SNX29: variants seen among roughly 807,000 people sequenced by gnomAD.
The protein encoded by SNX29 is sorting nexin 29.
A neutral mutation model predicts 102.1 loss-of-function variants in SNX29; 78 were observed. The observed-to-expected ratio is 0.76, with a 90% CI of 0.64 to 0.92. The LOEUF is 0.92. SNX29 is among the 40% of genes least tolerant of loss of function. SNX29 has a pLI of 0.00. For missense variants in SNX29, 1,280 were observed against 1,061.7 expected, an observed-to-expected ratio of 1.21 and a Z score of -2.86; for synonymous variants, 580 against 414.5, an observed-to-expected ratio of 1.40 and a Z score of -4.85.
chr16:12,548,435 C>A (rs1272763422), intron 20 of SNX29, among the ~76,000 whole-genome samples: 2 of 152,212 alleles, frequency 1.3e-5, no homozygotes, highest in Non-Finnish European at 2.9e-5. Flanking sequence ...GTGCCACATC[C>A]CTGTACCATG....
chr16:12,270,193 C>A (rs1023383229), intron 14 of SNX29, among the ~76,000 whole-genome samples: 1 of 152,134 alleles, frequency 6.6e-6, no homozygotes. Context: ...CCATAAATCA[C>A]CCTCAGGAAA....
intron 14 of SNX29, among the ~76,000 whole-genome samples, chr16:12,251,806 C>A (rs1314933452): frequency 1.3e-5 from 2 of 151,522 alleles, no homozygotes; most frequent in South Asian, 2.1e-4. Flanking sequence ...GTCACCCAGG[C>A]TGGAGTGTGG....
chr16:12,493,919 C>G (rs2088679146), intron 19 of SNX29, among the ~76,000 whole-genome samples: 1 of 152,158 alleles, frequency 6.6e-6, no homozygotes, highest in African/African-American at 2.4e-5. Flanking sequence ...TCACATTTTC[C>G]CAGTTACCGA....
intron 13 of SNX29, among the ~76,000 whole-genome samples, chr16:12,190,804 T>C (rs1212683686): frequency 6.6e-6 from 1 of 151,860 alleles, no homozygotes; most frequent in East Asian, 1.9e-4. Context: ...CATGGTGTAT[T>C]GGGTAGCGGG....
At chr16:12,324,210 CA>C (rs2081047237) in intron 15 of SNX29, among the ~76,000 whole-genome samples, 1 of 151,804 alleles carries the variant, frequency 6.6e-6, no homozygotes, top group African/African-American at 2.4e-5. Flanking sequence ...TTGAGGACAG[CA>C]TCCTTGGAGC....
chr16:12,141,285 C>T (rs964586229), intron 13 of SNX29, among the ~76,000 whole-genome samples: 12 of 152,170 alleles, frequency 7.9e-5, no homozygotes, highest in African/African-American at 2.9e-4. Context: ...GTAGGCTGAT[C>T]TTGGTTGTGT....
intron 18 of SNX29, among the ~76,000 whole-genome samples, chr16:12,410,163 T>G (rs566483241): frequency 3.3e-4 from 50 of 152,058 alleles, no homozygotes; most frequent in Admixed American, 2.0e-3. Flanking sequence ...CCTGGCTAAT[T>G]TTTTGTAGTT....
intron 20 of SNX29, among the ~76,000 whole-genome samples, chr16:12,542,609 G>C (rs561860293): frequency 6.6e-6 from 1 of 152,242 alleles, no homozygotes; most frequent in East Asian, 1.9e-4. Context: ...TGGGATTACA[G>C]GCGTGAGCCA....
At chr16:12,095,133 C>G (rs1465255532) in intron 11 of SNX29, 2 of 152,156 alleles carry the variant, frequency 1.3e-5, no homozygotes, top group African/African-American at 4.8e-5. Flanking sequence ...GTCACTGCTG[C>G]GGAAACCAGC....
At chr16:12,167,038 T>C (rs2076032441) in intron 13 of SNX29, among the ~76,000 whole-genome samples, 1 of 152,230 alleles carries the variant, frequency 6.6e-6, no homozygotes, top group Admixed American at 6.5e-5. Context: ...CATGGCCCAT[T>C]TGCTCAATGC....
chr16:12,142,812 C>T (rs2054913109), intron 13 of SNX29, among the ~76,000 whole-genome samples: 1 of 151,982 alleles, frequency 6.6e-6, no homozygotes, highest in South Asian at 2.1e-4. Context: ...ACCACTGCCT[C>T]GGCCTCCCAA....
intron 15 of SNX29, among the ~76,000 whole-genome samples, chr16:12,347,914 CAAAAAA>C (rs386384275): frequency 8.3e-6 from 1 of 121,124 alleles, no homozygotes; most frequent in Non-Finnish European, 1.7e-5. Flanking sequence ...CCTGTCTTTA[CAAAAAA>C]AAAAAAAAAA....
intron 20 of SNX29, among the ~76,000 whole-genome samples, chr16:12,534,414 G>A (rs1423635250): frequency 6.6e-6 from 1 of 152,218 alleles, no homozygotes; most frequent in Non-Finnish European, 1.5e-5. Flanking sequence ...CCTCTGTGTA[G>A]CCAGCGGCTG....
intron 4 of SNX29, among the ~76,000 whole-genome samples, chr16:12,034,464 A>T (rs1328450361): frequency 6.6e-6 from 1 of 152,214 alleles, no homozygotes; most frequent in Non-Finnish European, 1.5e-5. Flanking sequence ...AACTGGCAGA[A>T]AGAAGCTGGC....
chr16:12,515,381 G>T, intron 19 of SNX29: 1 of 398,400 alleles, frequency 2.5e-6, no homozygotes, highest in Non-Finnish European at 5.1e-6. Context: ...ATCAACAAAC[G>T]AATATATGTG....
chr16:12,477,553 C>G (rs1011487960), intron 18 of SNX29, among the ~76,000 whole-genome samples, 166 bp from the exon 19 acceptor site: 1 of 152,218 alleles, frequency 6.6e-6, no homozygotes, highest in East Asian at 1.9e-4. Flanking sequence ...ATCTGTTCAG[C>G]TAGCACTAAT....
intron 13 of SNX29, among the ~76,000 whole-genome samples, chr16:12,195,828 C>G (rs990974604): frequency 1.3e-5 from 2 of 152,072 alleles, no homozygotes; most frequent in African/African-American, 4.8e-5. Context: ...AAACCAACCT[C>G]GTGATGTGTT....
At chr16:12,295,238 A>G (rs936141904) in intron 15 of SNX29, among the ~76,000 whole-genome samples, 4 of 152,216 alleles carry the variant, frequency 2.6e-5, no homozygotes, top group Non-Finnish European at 5.9e-5. Context: ...TACTCGTCCC[A>G]GGGTTGACTT....
intron 17 of SNX29, among the ~76,000 whole-genome samples, chr16:12,401,314 A>T (rs1332920328): frequency 6.6e-6 from 1 of 152,092 alleles, no homozygotes; most frequent in East Asian, 1.9e-4. Context: ...AATTTTTAAA[A>T]ATTGAAATCA....
Sources: gnomAD v4.1 joint callset for allele counts (sites outside exome capture counted in the v4.1 genomes callset) on GRCh38, gnomAD v4.1.1 for gene constraint, MANE v1.5 for transcripts, NCBI Gene and HGNC (gene_info 2026-07-23, HGNC 2026-07-21) for gene names.